The following USP54 variants were observed in gnomAD, a reference collection of about 807,000 sequenced individuals.
USP54 encodes ubiquitin specific peptidase 54, also known as ubiquitin carboxyl-terminal hydrolase 54.
USP54 carries 87 observed loss-of-function variants against 170.5 expected under a neutral mutation model. That is an observed-to-expected ratio of 0.51 (90% confidence interval 0.43 to 0.61). The LOEUF is 0.61. USP54 is among the 20% of genes least tolerant of loss of function. The pLI, the probability that USP54 is intolerant of heterozygous loss-of-function variation, is 0.00. For missense variants in USP54, 1,786 were observed against 2,047.8 expected (o/e 0.87, Z 2.47); for synonymous variants, 655 against 742.8 (o/e 0.88, Z 1.92).
intron 3 of USP54, among the ~76,000 whole-genome samples, chr10:73,574,299 T>C (rs1250273548): frequency 1.3e-5 from 2 of 151,900 alleles, no homozygotes; most frequent in Non-Finnish European, 2.9e-5. Flanking sequence ...TAGACACCAG[T>C]TATGAGCCAA....
At chr10:73,616,690 T>C (rs1387423668) in intron 1 of USP54, among the ~76,000 whole-genome samples, 1 of 150,382 alleles carries the variant, frequency 6.6e-6, no homozygotes, top group East Asian at 1.9e-4. Context: ...CTGGGCGTGG[T>C]GGCAGGTGCC....
chr10:73,511,803 C>T (rs1338564687), intron 20 of USP54, among the ~76,000 whole-genome samples: 2 of 150,050 alleles, frequency 1.3e-5, no homozygotes, highest in South Asian at 2.1e-4. Context: ...AGTGCAGTGG[C>T]GTGATCTCGG....
intron 15 of USP54, 51 bp from the exon 16 acceptor site, chr10:73,526,831 AAC>A: frequency 6.3e-7 from 1 of 1,595,080 alleles, no homozygotes; most frequent in East Asian, 2.2e-5. Flanking sequence ...AGGTTATAGC[AAC>A]ATTCCTAGGA....
At chr10:73,556,828 T>G (rs909166728) in intron 4 of USP54, among the ~76,000 whole-genome samples, 2 of 152,070 alleles carry the variant, frequency 1.3e-5, no homozygotes, top group African/African-American at 4.8e-5. Context: ...CTAACCGCTC[T>G]CCACATATAG....
At chr10:73,526,858 CA>C (rs537234019) in intron 15 of USP54, 78 bp from the exon 16 acceptor site, 64,091 of 998,536 alleles carry the variant, frequency 0.064, no homozygotes, top group South Asian at 0.091. Flanking sequence ...ATCTCTCTCT[CA>C]AAAAAAAAAA....
At chr10:73,624,532 C>T (rs2081374746) in intron 1 of USP54, 1 of 151,862 alleles carries the variant, frequency 6.6e-6, no homozygotes, top group African/African-American at 2.4e-5. Context: ...CTAATTAATG[C>T]ATTTGTGAAC....
intron 4 of USP54, among the ~76,000 whole-genome samples, chr10:73,562,131 AT>A (rs1271791122): frequency 6.6e-6 from 1 of 152,108 alleles, no homozygotes; most frequent in African/African-American, 2.4e-5. Flanking sequence ...AGAGAAAAAA[AT>A]TACAATCTCC....
At chr10:73,537,271 A>C (rs1461249373) in intron 10 of USP54, among the ~76,000 whole-genome samples, 13 of 152,224 alleles carry the variant, frequency 8.5e-5, no homozygotes, top group Admixed American at 8.5e-4. Flanking sequence ...TTCAAATAAA[A>C]ACCCTAAATC....
chr10:73,537,421 C>T (rs117303055), intron 10 of USP54, among the ~76,000 whole-genome samples: 424 of 151,914 alleles, frequency 2.8e-3, no homozygotes, highest in Non-Finnish European at 4.3e-3. Flanking sequence ...TATAGTCACA[C>T]CTTATCTCCT....
In USP54 at chr10:73,505,440, C is replaced by T. The variant is rs1564614162; in HGVS notation, c.4052-14G>A. On this transcript the variant is annotated splice_polypyrimidine_tract_variant and intron_variant, in intron 20 of 23. Transcript: ENST00000687698. Reference sequence around the variant, plus strand: ...CATCTGCAGAGCCTGAAGAGGAAAACACAAATACAAGTTGAGGCCATCTCT... The same window carrying T: ...CATCTGCAGAGCCTGAAGAGGAAAATACAAATACAAGTTGAGGCCATCTCT... 2 of 1,611,540 alleles carry T rather than the reference C, an allele frequency of 1.2e-6. No individual in the cohort carries two copies. The highest frequency in any genetic ancestry group is 3.3e-5 in the Admixed American group (2 of 59,796).
Position 73,508,972 on chromosome 10 carries a change from G to GT in USP54, c.4052-3547dup, listed in dbSNP as rs945752651. Among the ~76,000 whole-genome samples, 761 of 133,520 alleles carry GT rather than the reference G, an allele frequency of 5.7e-3. 6 individuals carry two copies. The highest frequency in any genetic ancestry group is 0.02 in the South Asian group (84 of 4,166). 87.6% of individuals were successfully genotyped at this position (133,520 alleles called of 152,430 possible). On this transcript the variant is annotated intron_variant, in intron 20 of 23. Coordinates refer to ENST00000687698, the MANE Select transcript of USP54 (RefSeq NM_001391956.1). Reference sequence around the variant, plus strand: ...GAGCCAGTGCACCCGGCCAGAACATGTTTTTTTTTTTTTTTTCTTAAGGAC... The same window carrying GT: ...GAGCCAGTGCACCCGGCCAGAACATGTTTTTTTTTTTTTTTTTCTTAAGGAC...
chr10:73,579,649 T>C (rs2076609181), intron 1 of USP54, among the ~76,000 whole-genome samples: 1 of 151,770 alleles, frequency 6.6e-6, no homozygotes, highest in South Asian at 2.1e-4. Context: ...CTCAGCTACT[T>C]GGGAGGCTGA....
intron 4 of USP54, among the ~76,000 whole-genome samples, chr10:73,548,862 T>A (rs1301198339): frequency 6.6e-6 from 1 of 152,186 alleles, no homozygotes; most frequent in Admixed American, 6.5e-5. Context: ...ACCCTAGAAC[T>A]TAAAGTATAA....
At position 73,500,700 on chromosome 10, in the gene USP54, C is replaced by A. The variant is rs1589759158; in HGVS notation, c.4450G>T (p.Asp1484Tyr). ...YLPQPQFLSP[D>Y]VLMPTMAGEP... ...CCTGCCATGGTGGGCATCAGGACAT[C>A]TGGGGACAGGAACTGTGGTTGGGGA... Residue 1484 changes from aspartate (D) to tyrosine (Y), a missense_variant, in exon 23 of 24, where the codon GAT becomes TAT. Physicochemically the swap from Asp to Tyr is radical, Grantham distance 160 (BLOSUM62 -3). Around this residue, in one of 3 missense-constraint regions of USP54, gnomAD observed 1,418 missense variants for 1,569.0 expected, o/e 0.90. Coordinates refer to ENST00000687698, the MANE Select transcript of USP54 (RefSeq NM_001391956.1). 1 of 1,607,520 alleles carries A rather than the reference C, an allele frequency of 6.2e-7. No individual in the cohort carries two copies. Among genetic ancestry groups the A allele is most frequent in the Non-Finnish European group, 8.5e-7 (1 of 1,176,952 alleles).
At chr10:73,623,651 AAAAC>A (rs995969241) in intron 1 of USP54, among the ~76,000 whole-genome samples, 12 of 152,324 alleles carry the variant, frequency 7.9e-5, no homozygotes, top group South Asian at 4.1e-4. Context: ...ACCCTGTTGC[AAAAC>A]AAACAAACAA....
chr10:73,516,651 G>T lies in USP54; in HGVS notation c.3775C>A (p.Pro1259Thr), dbSNP rs534128549. 1 of 1,614,210 alleles carries T rather than the reference G, an allele frequency of 6.2e-7. No homozygotes were observed. The highest frequency in any genetic ancestry group is 1.1e-5 in the South Asian group (1 of 91,090). ...GSSTDLGTSL[P>T]LDSWVNITRF... is the part of the protein sequence containing the mutation. ...GTGATATTCACCCAGGAATCCAAAG[G>T]CAAGGAAGTCCCCAAGTCAGTACTG... The change falls in exon 20 of 24, where the codon CCT becomes ACT. Residue 1259 changes from proline to threonine, a missense_variant. Around this residue, in one of 3 missense-constraint regions of USP54, gnomAD observed 1,418 missense variants for 1,569.0 expected, o/e 0.90. Transcript: ENST00000687698.
At chr10:73,563,665 G>A (rs1359334907) in intron 4 of USP54, among the ~76,000 whole-genome samples, 1 of 151,782 alleles carries the variant, frequency 6.6e-6, no homozygotes, top group Non-Finnish European at 1.5e-5. Flanking sequence ...TCAAACTCCC[G>A]ACCTCAGGAG....
chr10:73,591,437 T>A (rs2078244855), upstream of USP54: 1 of 152,142 alleles, frequency 6.6e-6, no homozygotes, highest in Admixed American at 6.6e-5. Flanking sequence ...TGAGAAACTG[T>A]GAATCTAAAC....
At chr10:73,622,874 C>T (rs2081203562) in intron 1 of USP54, among the ~76,000 whole-genome samples, 1 of 151,214 alleles carries the variant, frequency 6.6e-6, no homozygotes, top group Non-Finnish European at 1.5e-5. Flanking sequence ...ACCCAGGAGA[C>T]TGAGGCTGCA....
Sources: gnomAD v4.1 joint callset for allele counts (sites outside exome capture counted in the v4.1 genomes callset) on GRCh38, gnomAD v4.1.1 for gene constraint, gnomAD v4.1.1 regional missense constraint, MANE v1.5 for transcripts, NCBI Gene and HGNC (gene_info 2026-07-23, HGNC 2026-07-21) for gene names.